Variants in ABCA5 observed in about 807,000 individuals in gnomAD.
ABCA5 encodes ATP binding cassette subfamily A member 5.
In ABCA5, 163 loss-of-function variants were observed where a neutral mutation model predicts 206.0. That is an observed-to-expected ratio of 0.79 (90% CI 0.70 to 0.90). The LOEUF is 0.90. ABCA5 is among the 40% of genes least tolerant of loss of function. The probability of loss-of-function intolerance (pLI) is 0.00; values close to 1 mark genes in which losing one functional copy is unlikely to be tolerated. For synonymous variants in ABCA5, 609 were observed against 613.8 expected (o/e 0.99, Z 0.11); for missense variants, 1,859 against 1,912.9 (o/e 0.97, Z 0.53).
In ABCA5 at chr17:69,267,970, A is replaced by G; in HGVS notation, c.3117T>C (p.Phe1039=). ...GIIVTAMPPY[F]AMENAENHKI... ...TATGATTCTCTGCATTTTCCATGGC[A>G]AAGTAAGGTGGCATTGCAGTAACAA... The change falls in exon 23 of 39, where the codon TTT becomes TTC. Residue 1039 remains phenylalanine (F), a synonymous_variant. Transcript: ENST00000392676. The G allele has an allele frequency of 6.2e-7, 1 of 1,610,232 alleles. No individual in the cohort carries two copies. Among genetic ancestry groups the G allele is most frequent in the African/African-American group, 1.3e-5 (1 of 74,942 alleles).
chr17:69,262,721 T>C (rs1393960256), intron 24 of ABCA5, among the ~76,000 whole-genome samples: 1 of 152,196 alleles, frequency 6.6e-6, no homozygotes, highest in Non-Finnish European at 1.5e-5. Flanking sequence ...GGTAGAATGA[T>C]TTATTTTCTT....
intron 1 of ABCA5, among the ~76,000 whole-genome samples, chr17:69,316,148 C>A (rs909431720): frequency 8.5e-5 from 13 of 152,150 alleles, no homozygotes; most frequent in African/African-American, 3.1e-4. Flanking sequence ...ATTATCCAAT[C>A]TGAACAACAG....
intron 35 of ABCA5, chr17:69,251,359 T>C (rs1230189430): frequency 6.1e-6 from 1 of 163,418 alleles, no homozygotes; most frequent in Non-Finnish European, 1.3e-5. Flanking sequence ...TATATTATTA[T>C]TTGGAATTGT....
At chr17:69,262,856 A>C (rs1471473849) in intron 24 of ABCA5, among the ~76,000 whole-genome samples, 1 of 151,792 alleles carries the variant, frequency 6.6e-6, no homozygotes, top group Non-Finnish European at 1.5e-5. Context: ...AGTATATAAG[A>C]GTATATAAGC....
intron 17 of ABCA5, chr17:69,285,570 A>AT (rs2075442110): frequency 5.9e-6 from 1 of 168,664 alleles, no homozygotes. Flanking sequence ...AACTATATAC[A>AT]TATATGCCTT....
At chr17:69,253,975 G>A (rs546159407) in intron 32 of ABCA5, 106 bp from the exon 33 acceptor site, 43 of 907,328 alleles carry the variant, frequency 4.7e-5, no homozygotes, top group Non-Finnish European at 6.7e-5. Context: ...TTACTTAGTC[G>A]AAGCTTATTA....
chr17:69,254,172 TATC>T (rs2075048706), intron 32 of ABCA5, 140 bp downstream of exon 32: 1 of 695,036 alleles, frequency 1.4e-6, no homozygotes, highest in South Asian at 2.7e-5. Context: ...TATTTTCATA[TATC>T]ATAAAGAATA....
chr17:69,246,773 T>A lies in ABCA5; in HGVS notation c.*764A>T, dbSNP rs1033125542. The stretch of plus-strand genomic sequence containing the variant: ...GTATGGCTTAATTCTACCACCTCCA[T>A]AGATAACTGTCATTCTAGCCACAGA... On this transcript the variant is annotated 3_prime_UTR_variant, in exon 39 of 39. Transcript: ENST00000392676. The A allele has an allele frequency of 6.6e-6, 1 of 151,940 alleles. No individual in the cohort carries two copies. Among genetic ancestry groups the A allele is most frequent in the Non-Finnish European group, 1.5e-5 (1 of 67,810 alleles). 9.4% of individuals were successfully genotyped at this position (151,940 alleles called of 1,614,324 possible).
intron 19 of ABCA5, among the ~76,000 whole-genome samples, chr17:69,274,839 C>CTTTTTTTTTTTCTTTTTT (rs2075313084): frequency 1.2e-5 from 1 of 85,754 alleles, no homozygotes; most frequent in Non-Finnish European, 2.2e-5. Flanking sequence ...TAACCATTTA[C>CTTTTTTTTTTTCTTTTTT]TTTTTTTTTT....
intron 3 of ABCA5, among the ~76,000 whole-genome samples, chr17:69,309,632 C>T (rs1019466555): frequency 2.0e-5 from 3 of 152,098 alleles, no homozygotes; most frequent in Non-Finnish European, 4.4e-5. Context: ...TGCTTGAGCT[C>T]AGAAGTTCAA....
chr17:69,252,657 G>A (rs2075029360), intron 34 of ABCA5, among the ~76,000 whole-genome samples: 1 of 151,920 alleles, frequency 6.6e-6, no homozygotes, highest in South Asian at 2.1e-4. Flanking sequence ...CCAACATGGT[G>A]AAACCCTGTC....
intron 1 of ABCA5, among the ~76,000 whole-genome samples, chr17:69,323,407 T>C (rs1452889799): frequency 6.6e-6 from 1 of 152,162 alleles, no homozygotes; most frequent in Admixed American, 6.5e-5. Context: ...CCCTCAAACC[T>C]CTCCACTTTG....
chr17:69,247,492 G>T lies in ABCA5; in HGVS notation c.*45C>A. On this transcript the variant is annotated 3_prime_UTR_variant, in exon 39 of 39. Coordinates refer to ENST00000392676, the MANE Select transcript of ABCA5 (RefSeq NM_172232.4). ...CTTTTTAAACCAAAGTTAAAATTAA[G>T]TGAAAAAGAAAGAAGTCCCAGTAAG... 1 of 1,329,416 alleles carries T rather than the reference G, an allele frequency of 7.5e-7. No individual in the cohort carries two copies. Among genetic ancestry groups the T allele is most frequent in the Non-Finnish European group, 1.0e-6 (1 of 963,214 alleles). The allele number at this position is 1,329,416 out of a possible 1,614,324, so 82.4% of individuals were successfully genotyped here.
At position 69,309,347 on chromosome 17, in the gene ABCA5, A is replaced by G. The variant is rs184289333; in HGVS notation, c.384T>C (p.Gly128=). Residue 128 remains glycine (G), a synonymous_variant, in exon 4 of 39, where the codon GGT becomes GGC. Transcript: ENST00000392676. ...AGGACATGGAGTCTTTGAAAACCAC[A>G]CCTACAAAGTTGCTCGGCTTAGAGA... ...SSLSKPSNFV[G]VVFKDSMSYE... is the part of the protein sequence containing the mutation. 4.1e-4 allele frequency: 654 copies of G among 1,607,240 alleles called. 9 individuals carry two copies. The East Asian group carries it at 0.012, about 29-fold the overall frequency.
intron 20 of ABCA5, among the ~76,000 whole-genome samples, chr17:69,272,139 T>C (rs560727914): frequency 6.6e-6 from 1 of 152,204 alleles, no homozygotes; most frequent in East Asian, 1.9e-4. Context: ...CTCAGTGTCA[T>C]AGAGAATGGT....
Position 69,270,625 on chromosome 17 carries a change from G to T in ABCA5, c.3018C>A (p.Thr1006=). 2 of 1,586,768 alleles carry T rather than the reference G, an allele frequency of 1.3e-6. No homozygotes were observed. The highest frequency in any genetic ancestry group is 8.5e-7 in the Non-Finnish European group (1 of 1,170,132). The change falls in exon 22 of 39, where the codon ACC becomes ACA. Residue 1006 remains threonine (T), a synonymous_variant. Transcript: ENST00000392676. ...TACATTGGCTTACTTGAAAGAATGG[G>T]GTACTCCAGATCTGGATGGTTTCAG... is the stretch of plus-strand genomic sequence containing the variant. ...NVTETIQIWS[T]PFFQEITDIV... is the part of the protein sequence containing the mutation.
rs1024916528 is a variant in ABCA5, at chr17:69,284,063, G to C, written c.2282C>G (p.Ser761Cys). ...KDMDKFSGLFSALDSHSNLGV... is the reference protein window; with the variant it reads ...KDMDKFSGLFCALDSHSNLGV... ...CAAATTTGAATGACTGTCTAGGGCA[G>C]AAAACAAACCTAAAAGAAAAAAATG... The change falls in exon 18 of 39, where the codon TCT becomes TGT. Residue 761 changes from serine (S) to cysteine (C), a missense_variant. Transcript: ENST00000392676. 5.1e-6 allele frequency: 8 copies of C among 1,562,500 alleles called. No individual in the cohort carries two copies. The African/African-American group carries it at 9.7e-5, about 19-fold the overall frequency.
intron 22 of ABCA5, among the ~76,000 whole-genome samples, 179 bp downstream of exon 22, chr17:69,270,434 C>T (rs1396415001): frequency 1.3e-5 from 2 of 152,012 alleles, no homozygotes; most frequent in East Asian, 3.9e-4. Flanking sequence ...TACCCTGAAA[C>T]ATACTTCTAC....
At position 69,304,801 on chromosome 17, in the gene ABCA5, C is replaced by A. The variant is rs769189183; in HGVS notation, c.798G>T (p.Trp266Cys). The A allele has an allele frequency of 6.3e-7, 1 of 1,590,112 alleles. No homozygotes were observed. The highest frequency in any genetic ancestry group is 8.5e-7 in the Non-Finnish European group (1 of 1,170,092). ...GLHDTAFWLS[W>C]VLLYTSLIFL... ...AAATTAAACTTGTATATAGAAGAACCCAGGAAAGCCTAAAATGAGAATACA... is the reference window on the plus strand; with the variant it reads ...AAATTAAACTTGTATATAGAAGAACACAGGAAAGCCTAAAATGAGAATACA... The change falls in exon 7 of 39, where the codon TGG (tryptophan) becomes TGT (cysteine). Residue 266 changes from tryptophan (W) to cysteine (C), a missense_variant. Physicochemically the swap from Trp to Cys is radical, Grantham distance 215. Transcript: ENST00000392676.
Sources: gnomAD v4.1 joint callset for allele counts (sites outside exome capture counted in the v4.1 genomes callset) on GRCh38, gnomAD v4.1.1 for gene constraint, MANE v1.5 for transcripts, NCBI Gene and HGNC (gene_info 2026-07-23, HGNC 2026-07-21) for gene names.